Variants in THSD4 observed in about 807,000 individuals in gnomAD.
THSD4 encodes thrombospondin type 1 domain containing 4.
Under a neutral mutation model 119.0 loss-of-function variants are expected in THSD4, and 69 were observed. The ratio of observed to expected loss-of-function variants is 0.58; its 90% CI spans 0.48 to 0.71. The LOEUF (loss-of-function observed/expected upper bound fraction) is 0.71, where lower values mean the gene tolerates loss of function less well. Among genes scored for constraint, THSD4 ranks in the 30% least tolerant of loss-of-function variants. The pLI is 0.00. For missense variants in THSD4, 1,393 were observed against 1,391.1 expected, an observed-to-expected ratio of 1.00 and a Z score of -0.02; for synonymous variants, 524 against 540.4, an observed-to-expected ratio of 0.97 and a Z score of 0.42.
chr15:71,719,680 A>G (rs1006804899), intron 8 of THSD4, among the ~76,000 whole-genome samples: 17 of 152,116 alleles, frequency 1.1e-4, no homozygotes, highest in Non-Finnish European at 2.4e-4. Flanking sequence ...CAATTATCAA[A>G]ACATGTATTT....
chr15:71,324,190 CTT>C (rs541872845), intron 6 of THSD4, among the ~76,000 whole-genome samples: 48 of 144,462 alleles, frequency 3.3e-4, no homozygotes, highest in Admixed American at 5.5e-4. Flanking sequence ...TTTTTGTGTT[CTT>C]TTTTTTTTTT....
At chr15:71,391,271 C>T (rs979590739) in intron 6 of THSD4, among the ~76,000 whole-genome samples, 1 of 152,024 alleles carries the variant, frequency 6.6e-6, no homozygotes, top group Non-Finnish European at 1.5e-5. Flanking sequence ...CCTCGTGATC[C>T]GCCTGCCTCG....
intron 8 of THSD4, among the ~76,000 whole-genome samples, chr15:71,714,027 T>A (rs189241891): frequency 1.4e-5 from 2 of 144,550 alleles, no homozygotes; most frequent in Non-Finnish European, 3.0e-5. Context: ...ATAGCTCCAA[T>A]AGTTACTTAC....
At chr15:71,324,339 C>T (rs1442720185) in intron 6 of THSD4, among the ~76,000 whole-genome samples, 1 of 151,942 alleles carries the variant, frequency 6.6e-6, no homozygotes, top group Admixed American at 6.6e-5. Flanking sequence ...TTTTGGAGTA[C>T]AAGTAGTTTT....
chr15:71,591,005 C>CAAAA (rs67271025), intron 7 of THSD4, among the ~76,000 whole-genome samples: 19 of 57,508 alleles, frequency 3.3e-4, no homozygotes, highest in East Asian at 5.8e-4. Context: ...GACTCCATCT[C>CAAAA]AAAAAAAAAA....
At chr15:71,148,206 C>T (rs2040683113) in intron 2 of THSD4, among the ~76,000 whole-genome samples, 1 of 152,160 alleles carries the variant, frequency 6.6e-6, no homozygotes, top group African/African-American at 2.4e-5. Context: ...GGTTTGGCTG[C>T]AGCTTAGTTA....
At chr15:71,740,796 A>G (rs751243400) in intron 11 of THSD4, among the ~76,000 whole-genome samples, 1 of 152,204 alleles carries the variant, frequency 6.6e-6, no homozygotes, top group Non-Finnish European at 1.5e-5. Flanking sequence ...ACACTCTGGT[A>G]TCTGGCCAGC....
intron 7 of THSD4, among the ~76,000 whole-genome samples, chr15:71,446,086 C>T (rs2047176899): frequency 6.6e-6 from 1 of 152,228 alleles, no homozygotes; most frequent in Admixed American, 6.5e-5. Context: ...CCATGAACAA[C>T]ATCTAACTAA....
chr15:71,530,922 T>C (rs375152721), intron 7 of THSD4, among the ~76,000 whole-genome samples: 4 of 150,708 alleles, frequency 2.7e-5, no homozygotes, highest in Non-Finnish European at 5.9e-5. Context: ...GTACAGGGGC[T>C]TAGAGAGAAA....
At chr15:71,723,586 T>C (rs985241240) in intron 8 of THSD4, among the ~76,000 whole-genome samples, 2 of 152,260 alleles carry the variant, frequency 1.3e-5, no homozygotes, top group Admixed American at 6.5e-5. Flanking sequence ...TGAAATCTTT[T>C]GGAGCTGGCA....
chr15:71,738,438 G>A (rs773736249), intron 11 of THSD4, among the ~76,000 whole-genome samples: 3 of 152,208 alleles, frequency 2.0e-5, no homozygotes, highest in Non-Finnish European at 4.4e-5. Flanking sequence ...GCTCATGGGT[G>A]TGACAGATTG....
chr15:71,541,966 CAA>C (rs1314301446), intron 7 of THSD4, among the ~76,000 whole-genome samples: 1 of 152,168 alleles, frequency 6.6e-6, no homozygotes, highest in Admixed American at 6.5e-5. Context: ...GAACGTATTG[CAA>C]ACAGTCTTGT....
chr15:71,453,080 A>C (rs1255156758), intron 7 of THSD4, among the ~76,000 whole-genome samples: 1 of 152,220 alleles, frequency 6.6e-6, no homozygotes, highest in Non-Finnish European at 1.5e-5. Flanking sequence ...GCAAGCCAGA[A>C]AGAGAGCCTC....
At chr15:71,631,014 T>C (rs2050617667) in intron 7 of THSD4, among the ~76,000 whole-genome samples, 1 of 151,990 alleles carries the variant, frequency 6.6e-6, no homozygotes, top group Non-Finnish European at 1.5e-5. Context: ...AACTGGACAA[T>C]CAAAAACACC....
chr15:71,578,255 T>C (rs915641250), intron 7 of THSD4, among the ~76,000 whole-genome samples: 4 of 151,572 alleles, frequency 2.6e-5, no homozygotes, highest in Non-Finnish European at 5.9e-5. Flanking sequence ...TAAGCGGCAG[T>C]GTAGACTCCA....
At chr15:71,598,778 C>T (rs1347988447) in intron 7 of THSD4, among the ~76,000 whole-genome samples, 1 of 152,042 alleles carries the variant, frequency 6.6e-6, no homozygotes, top group Non-Finnish European at 1.5e-5. Flanking sequence ...CCACCCCACC[C>T]AGCTAATTTT....
chr15:71,287,081 A>T (rs182417740), intron 6 of THSD4, among the ~76,000 whole-genome samples: 2,741 of 150,598 alleles, frequency 0.018, 99 homozygotes, highest in African/African-American at 0.065. Context: ...GAGTAAACAT[A>T]TTCCTGTTTA....
chr15:71,522,230 A>G (rs796187725), intron 7 of THSD4, among the ~76,000 whole-genome samples: 22 of 152,280 alleles, frequency 1.4e-4, no homozygotes, highest in African/African-American at 5.1e-4. Flanking sequence ...TTCTGTCTAA[A>G]ATAAAACCCT....
chr15:71,323,936 G>A (rs1376466713), intron 6 of THSD4, among the ~76,000 whole-genome samples: 5 of 152,122 alleles, frequency 3.3e-5, no homozygotes, highest in African/African-American at 1.2e-4. Flanking sequence ...GTGTTTGTGT[G>A]CATGCATTTT....
Sources: gnomAD v4.1 joint callset for allele counts (sites outside exome capture counted in the v4.1 genomes callset) on GRCh38, gnomAD v4.1.1 for gene constraint, MANE v1.5 for transcripts, NCBI Gene and HGNC (gene_info 2026-07-23, HGNC 2026-07-21) for gene names.